The following PLOD2 variants were observed in gnomAD, a reference collection of about 807,000 sequenced individuals.
PLOD2 encodes the protein lysine hydroxylase 2.
PLOD2 carries 65 observed loss-of-function variants against 101.0 expected under a neutral mutation model. That is an observed-to-expected ratio of 0.64 (90% CI 0.53 to 0.79). The LOEUF (loss-of-function observed/expected upper bound fraction) is 0.79, where lower values mean the gene tolerates loss of function less well. PLOD2 is among the 30% of genes least tolerant of loss of function. The pLI is 0.00. For synonymous variants in PLOD2, 314 were observed against 302.9 expected, an observed-to-expected ratio of 1.04 and a Z score of -0.38; for missense variants, 909 against 914.6, an observed-to-expected ratio of 0.99 and a Z score of 0.08.
intron 7 of PLOD2, among the ~76,000 whole-genome samples, chr3:146,097,001 G>A (rs1248867006): frequency 2.1e-5 from 3 of 145,164 alleles, no homozygotes; most frequent in African/African-American, 5.1e-5. Context: ...GAGGGAGGTG[G>A]GGGGGTCAGC....
chr3:146,133,067 T>C (rs1161700249), intron 1 of PLOD2, among the ~76,000 whole-genome samples: 1 of 152,082 alleles, frequency 6.6e-6, no homozygotes, highest in Non-Finnish European at 1.5e-5. Flanking sequence ...TCCCAGCTAC[T>C]TGGGAAGCTG....
At chr3:146,151,548 A>G (rs73148985) in intron 1 of PLOD2, among the ~76,000 whole-genome samples, 47,483 of 151,854 alleles carry the variant, frequency 0.31, 7,803 homozygotes, top group South Asian at 0.42. Context: ...AAGGATCACA[A>G]ATTACAAGTA....
intron 1 of PLOD2, among the ~76,000 whole-genome samples, chr3:146,153,599 C>T (rs2032165399): frequency 6.6e-6 from 1 of 152,092 alleles, no homozygotes; most frequent in Admixed American, 6.5e-5. Context: ...TTCTCCCAGG[C>T]CAGATCGATG....
intron 3 of PLOD2, among the ~76,000 whole-genome samples, chr3:146,113,301 T>C (rs930723116): frequency 6.6e-6 from 1 of 152,198 alleles, no homozygotes; most frequent in Non-Finnish European, 1.5e-5. Flanking sequence ...ATTTCTGTGT[T>C]TAAATACTTT....
intron 15 of PLOD2, among the ~76,000 whole-genome samples, chr3:146,074,767 T>C (rs1427413821): frequency 1.3e-5 from 2 of 151,558 alleles, no homozygotes; most frequent in Non-Finnish European, 3.0e-5. Context: ...CATTTCATTT[T>C]AGATCACCTT....
chr3:146,102,127 G>A (rs1423472558), intron 7 of PLOD2, among the ~76,000 whole-genome samples: 2 of 152,140 alleles, frequency 1.3e-5, no homozygotes, highest in African/African-American at 2.4e-5. Context: ...ATGTCAGAAG[G>A]TTGTTGTAAG....
chr3:146,088,267 A>G (rs1193853960), intron 9 of PLOD2, among the ~76,000 whole-genome samples: 2 of 151,712 alleles, frequency 1.3e-5, no homozygotes, highest in East Asian at 3.8e-4. Flanking sequence ...AGAAAGTACC[A>G]GAACTAACCC....
rs121434459 is a variant in PLOD2 at position 146,071,386 on chromosome 3, G to A, written c.1886C>T (p.Thr629Ile). 3 of 1,611,832 alleles carry A rather than the reference G, an allele frequency of 1.9e-6. No homozygotes were observed. Among genetic ancestry groups the A allele is most frequent in the Non-Finnish European group, 2.5e-6 (3 of 1,178,520 alleles). The change falls in exon 18 of 20, where the codon ACT (threonine) becomes ATT (isoleucine). Residue 629 changes from threonine to isoleucine, a missense_variant. Coordinates refer to ENST00000282903, the MANE Select transcript of PLOD2 (RefSeq NM_182943.3). The part of the protein sequence containing the change: ...RISGGYENVP[T>I]DDIHMKQVDL... ...AACTTGCTTCATGTGGATATCATCA[G>A]TTGGGACATTTTCATAACCACCAGA...
intron 2 of PLOD2, 98 bp from the exon 3 acceptor site, chr3:146,121,346 C>A: frequency 1.1e-6 from 1 of 927,982 alleles, no homozygotes; most frequent in East Asian, 2.4e-5. Context: ...AGTACTGTAC[C>A]GTAACCACTC....
intron 7 of PLOD2, among the ~76,000 whole-genome samples, chr3:146,092,142 T>C (rs534346141): frequency 6.6e-6 from 1 of 152,100 alleles, no homozygotes; most frequent in South Asian, 2.1e-4. Context: ...AAGGTCATTT[T>C]ATTTCATATT....
intron 15 of PLOD2, among the ~76,000 whole-genome samples, chr3:146,074,472 T>TAAC (rs1361109287): frequency 1.7e-4 from 26 of 151,468 alleles, no homozygotes; most frequent in Admixed American, 1.5e-3. Flanking sequence ...TGTTTATATG[T>TAAC]AACTCAAACA....
At chr3:146,101,365 A>T (rs1697870207) in intron 7 of PLOD2, among the ~76,000 whole-genome samples, 2 of 152,330 alleles carry the variant, frequency 1.3e-5, no homozygotes, top group Admixed American at 6.5e-5. Flanking sequence ...GAGCTGTAAA[A>T]TTTTTAAAAT....
chr3:146,102,274 G>A (rs528632250), intron 7 of PLOD2, among the ~76,000 whole-genome samples: 4 of 152,176 alleles, frequency 2.6e-5, no homozygotes, highest in African/African-American at 9.6e-5. Context: ...GAAACAGAAA[G>A]GCATCCAAAA....
chr3:146,128,185 A>G (rs965549233), intron 1 of PLOD2, among the ~76,000 whole-genome samples: 1 of 152,164 alleles, frequency 6.6e-6, no homozygotes, highest in Admixed American at 6.6e-5. Context: ...ACCCTCCACA[A>G]GCCAAATGAA....
intron 3 of PLOD2, among the ~76,000 whole-genome samples, chr3:146,116,304 C>T (rs1477258522): frequency 1.3e-5 from 2 of 151,824 alleles, no homozygotes; most frequent in African/African-American, 4.8e-5. Flanking sequence ...CACCCACGTA[C>T]CCAGTTGACT....
At chr3:146,079,791 G>A (rs1936468569) in intron 12 of PLOD2, among the ~76,000 whole-genome samples, 1 of 151,816 alleles carries the variant, frequency 6.6e-6, no homozygotes. Flanking sequence ...ACCTCCAAAA[G>A]CCAGTTGTTA....
intron 1 of PLOD2, among the ~76,000 whole-genome samples, chr3:146,129,943 T>C (rs185077754): frequency 6.6e-6 from 1 of 152,276 alleles, no homozygotes; most frequent in Non-Finnish European, 1.5e-5. Flanking sequence ...TAAACCTCTG[T>C]TTACAAAGCA....
intron 1 of PLOD2, among the ~76,000 whole-genome samples, chr3:146,144,676 G>C (rs889950008): frequency 6.6e-6 from 1 of 151,952 alleles, no homozygotes; most frequent in Non-Finnish European, 1.5e-5. Context: ...GTATAATCCC[G>C]TGACAGATAT....
chr3:146,094,328 AT>A (rs1937074677), intron 7 of PLOD2, among the ~76,000 whole-genome samples: 1 of 152,196 alleles, frequency 6.6e-6, no homozygotes, highest in Admixed American at 6.5e-5. Context: ...TTTATTACAA[AT>A]CAAATTAGTT....
Sources: gnomAD v4.1 joint callset for allele counts (sites outside exome capture counted in the v4.1 genomes callset) on GRCh38, gnomAD v4.1.1 for gene constraint, MANE v1.5 for transcripts, NCBI Gene and HGNC (gene_info 2026-07-23, HGNC 2026-07-21) for gene names.